MSL3: variants seen among roughly 807,000 people sequenced by gnomAD.
MSL3 encodes the protein MSL3-like 1.
Under a neutral mutation model 37.2 loss-of-function variants are expected in MSL3, and 5 were observed. The ratio of observed to expected loss-of-function variants is 0.13; its 90% CI spans 0.07 to 0.28. The LOEUF (loss-of-function observed/expected upper bound fraction) is 0.28. MSL3 is among the 10% of genes least tolerant of loss of function. MSL3 has a pLI of 1.00. For missense variants in MSL3, 315 were observed against 408.5 expected, an observed-to-expected ratio of 0.77 and a Z score of 1.97; for synonymous variants, 149 against 147.6, an observed-to-expected ratio of 1.01 and a Z score of -0.07.
intron 3 of MSL3, 28 bp from the exon 4 acceptor site, chrX:11,760,809 A>C: frequency 8.8e-7 from 1 of 1,131,508 alleles, no homozygotes; most frequent in Non-Finnish European, 1.2e-6. Context: ...GTCAAAACTT[A>C]TTTCAGTTGT....
In MSL3 at chrX:11,765,505, A is replaced by G; in HGVS notation, c.947A>G (p.Asn316Ser). 8.3e-7 allele frequency: 1 copy of G among 1,201,780 alleles called. No homozygotes were observed. The highest frequency in any genetic ancestry group is 1.1e-6 in the Non-Finnish European group (1 of 889,809). The part of the protein sequence containing the change: ...EELSPSPPLL[N>S]PSTPQSTESQ... ...CTCTCTCCCAGTCCGCCTTTGTTGAATCCATCCACGCCACAGTCCACAGAG... is the reference window on the plus strand; with the variant it reads ...CTCTCTCCCAGTCCGCCTTTGTTGAGTCCATCCACGCCACAGTCCACAGAG... Residue 316 changes from asparagine (N) to serine (S), a missense_variant, in exon 9 of 13, where the codon AAT (asparagine) becomes AGT (serine). By Grantham distance (46) the Asn-to-Ser change is conservative (BLOSUM62 1). Transcript: ENST00000312196.
At chrX:11,767,996 T>A in intron 9 of MSL3, 1 of 702,600 alleles carries the variant, frequency 1.4e-6, no homozygotes, top group Non-Finnish European at 1.7e-6. Flanking sequence ...TACTTTTTAT[T>A]TTTTATTTGT....
intron 10 of MSL3, among the ~76,000 whole-genome samples, chrX:11,770,222 G>T (rs1250267581): frequency 2.7e-5 from 3 of 111,974 alleles, no homozygotes; most frequent in Non-Finnish European, 5.6e-5. Flanking sequence ...TTTGGCCTAG[G>T]GGCTACAGTT....
At chrX:11,761,056 C>T (rs768405820) in intron 4 of MSL3, 119 bp downstream of exon 4, 5 of 519,992 alleles carry the variant, frequency 9.6e-6, no homozygotes, top group Non-Finnish European at 1.5e-5. Context: ...ATATTTGCCC[C>T]ATTTATTTTT....
intron 10 of MSL3, among the ~76,000 whole-genome samples, chrX:11,769,798 G>A (rs1364523418): frequency 9.0e-6 from 1 of 111,643 alleles, no homozygotes; most frequent in Non-Finnish European, 1.9e-5. Context: ...TAGAGACTAA[G>A]TTTTGCCATG....
intron 10 of MSL3, among the ~76,000 whole-genome samples, chrX:11,770,242 C>T (rs777038677): frequency 8.9e-6 from 1 of 112,155 alleles, no homozygotes; most frequent in East Asian, 2.8e-4. Context: ...TGGCTGACCC[C>T]ATAGAGAATC....
At chrX:11,762,754 T>C (rs2053144089) in intron 6 of MSL3, 83 bp from the exon 7 acceptor site, 27 of 928,750 alleles carry the variant, frequency 2.9e-5, no homozygotes, top group Non-Finnish European at 4.0e-5. Context: ...TAAAAAATGA[T>C]ACAGACATGA....
At chrX:11,774,255 A>G (rs991149736) in intron 12 of MSL3, among the ~76,000 whole-genome samples, 3 of 112,673 alleles carry the variant, frequency 2.7e-5, no homozygotes, top group Non-Finnish European at 5.6e-5. Flanking sequence ...GACTTTGCTC[A>G]TATAAATGAT....
At chrX:11,759,457 AG>A (rs368243833) in intron 1 of MSL3, 13 of 286,366 alleles carry the variant, frequency 4.5e-5, no homozygotes, top group African/African-American at 3.6e-4. Flanking sequence ...GACATAGGGG[AG>A]CCCAGGAGAC....
chrX:11,759,234 G>T (rs1484871695), intron 1 of MSL3, among the ~76,000 whole-genome samples: 1 of 112,527 alleles, frequency 8.9e-6, no homozygotes, highest in Non-Finnish European at 1.9e-5. Context: ...AGATGCTAAA[G>T]GACATCCCTA....
chrX:11,762,959 T>G lies in MSL3; in HGVS notation c.711T>G (p.His237Gln), dbSNP rs1320875280. 2 of 1,208,108 alleles carry G rather than the reference T, an allele frequency of 1.7e-6. No individual in the cohort carries two copies. The highest frequency in any genetic ancestry group is 2.2e-6 in the Non-Finnish European group (2 of 894,519). Residue 237 changes from histidine (H) to glutamine (Q), a missense_variant, in exon 7 of 13, where the codon CAT becomes CAG. His to Gln is a conservative substitution (Grantham distance 24, BLOSUM62 0). Transcript: ENST00000312196. Reference protein sequence around the residue: ...ERPRHHHVMPHANMNVHYIPA... With the variant: ...ERPRHHHVMPQANMNVHYIPA... ...CTCGTCACCATCACGTTATGCCACA[T>G]GCCAACATGAACGTGCATTATATCC...
intron 12 of MSL3, among the ~76,000 whole-genome samples, chrX:11,774,429 C>T (rs2053257152): frequency 9.0e-6 from 1 of 111,488 alleles, no homozygotes; most frequent in Non-Finnish European, 1.9e-5. Flanking sequence ...ATGCCATTCT[C>T]CTGCCTCAGC....
At chrX:11,760,965 G>A (rs368156652) in intron 4 of MSL3, 28 bp downstream of exon 4, 8 of 1,069,223 alleles carry the variant, frequency 7.5e-6, no homozygotes, top group Non-Finnish European at 8.9e-6. Flanking sequence ...ATTTCTTTTG[G>A]CTGAAAGAAC....
chrX:11,760,898 G>T lies in MSL3; in HGVS notation c.343G>T (p.Gly115Cys). 1 of 1,201,137 alleles carries T rather than the reference G, an allele frequency of 8.3e-7. No individual in the cohort carries two copies. Among genetic ancestry groups the T allele is most frequent in the Non-Finnish European group, 1.1e-6 (1 of 889,622 alleles). Residue 115 changes from glycine to cysteine, a missense_variant, in exon 4 of 13, where the codon GGC becomes TGC. By Grantham distance (159) the Gly-to-Cys change is radical. Coordinates refer to ENST00000312196, the MANE Select transcript of MSL3 (RefSeq NM_078629.4). ...RLPGVDSVLKGLPTEEKDEND... is the reference protein window; with the variant it reads ...RLPGVDSVLKCLPTEEKDEND... ...GCCTGGTGTGGACTCTGTCTTAAAA[G>T]GCCTCCCCACTGAAGAAAAAGATGA...
At chrX:11,761,616 G>T in intron 5 of MSL3, 34 bp downstream of exon 5, 1 of 944,833 alleles carries the variant, frequency 1.1e-6, no homozygotes, top group East Asian at 3.2e-5. Context: ...CTTTCTCTTT[G>T]TTATATATTT....
intron 10 of MSL3, among the ~76,000 whole-genome samples, chrX:11,769,621 A>T (rs1409349935): frequency 9.0e-6 from 1 of 111,248 alleles, no homozygotes. Flanking sequence ...TTTTTGACAC[A>T]GGGTCTCACT....
chrX:11,768,443 A>T, intron 9 of MSL3, 130 bp from the exon 10 acceptor site: 2 of 449,429 alleles, frequency 4.5e-6, no homozygotes, highest in South Asian at 7.4e-5. Flanking sequence ...ATCTGTTAGG[A>T]AAGTCTTATC....
chrX:11,763,725 A>G (rs2053154205), intron 7 of MSL3, 55 bp from the exon 8 acceptor site: 1 of 1,088,214 alleles, frequency 9.2e-7, no homozygotes, highest in Non-Finnish European at 1.2e-6. Flanking sequence ...CATTGTGAAC[A>G]TTTGGAAAGT....
chrX:11,767,988 CTTT>C (rs1019349175), intron 9 of MSL3: 1 of 716,300 alleles, frequency 1.4e-6, no homozygotes, highest in African/African-American at 2.3e-5. Flanking sequence ...TCTCTTTGTA[CTTT>C]TTATTTTTTA....
Sources: gnomAD v4.1 joint callset for allele counts (sites outside exome capture counted in the v4.1 genomes callset) on GRCh38, gnomAD v4.1.1 for gene constraint, MANE v1.5 for transcripts, NCBI Gene and HGNC (gene_info 2026-07-23, HGNC 2026-07-21) for gene names.